Variants in FAM107A observed in about 807,000 individuals in gnomAD.
FAM107A encodes family with sequence similarity 107 member A, also known as actin-associated protein FAM107A.
FAM107A carries 19 observed loss-of-function variants against 13.7 expected under a neutral mutation model. That is an observed-to-expected ratio of 1.38 (90% confidence interval 0.97 to 2.03). The LOEUF is 2.03. Among genes scored for constraint, FAM107A ranks in the 30% most tolerant of loss-of-function variants. The pLI, the probability that FAM107A is intolerant of heterozygous loss-of-function variation, is 0.00. For synonymous variants in FAM107A, 82 were observed against 74.5 expected (o/e 1.10, Z -0.52); for missense variants, 203 against 184.4 (o/e 1.10, Z -0.58).
Position 58,577,191 on chromosome 3 carries a change from G to T in FAM107A, c.-6+118C>A. The T allele has an allele frequency of 3.2e-6, 1 of 310,886 alleles. No individual in the cohort carries two copies. Among genetic ancestry groups the T allele is most frequent in the Non-Finnish European group, 4.7e-6 (1 of 213,236 alleles). 19.3% of individuals were successfully genotyped at this position (310,886 alleles called of 1,614,324 possible). On this transcript the variant is annotated intron_variant, in intron 1 of 3. Coordinates refer to ENST00000360997, the MANE Select transcript of FAM107A (RefSeq NM_001076778.3). This position sits in a 1 kb window ranked among gnomAD's most constrained non-coding sequence, Gnocchi z 4.9. ...CATAGCCCGGGTACCTAAACTCAAA[G>T]CACTCAGGTCCACTGACAGCCCACT... is the stretch of plus-strand genomic sequence containing the variant.
intron 1 of FAM107A, among the ~76,000 whole-genome samples, chr3:58,611,236 A>G (rs2065851206): frequency 6.7e-6 from 1 of 150,224 alleles, no homozygotes; most frequent in African/African-American, 2.5e-5. Flanking sequence ...CAGCATGAGA[A>G]TGAACTAATA....
At chr3:58,593,801 C>T (rs2065675033) in intron 1 of FAM107A, among the ~76,000 whole-genome samples, 1 of 152,190 alleles carries the variant, frequency 6.6e-6, no homozygotes. Flanking sequence ...ACCTCTCCCT[C>T]TCCCTGCACC....
At chr3:58,622,670 A>G (rs902717877) in intron 1 of FAM107A, among the ~76,000 whole-genome samples, 25 of 152,214 alleles carry the variant, frequency 1.6e-4, no homozygotes, top group Admixed American at 4.6e-4. Context: ...GTGGATAGAA[A>G]TCAGGAGGGC....
Position 58,618,775 on chromosome 3 carries a change from G to A in FAM107A, c.-70+8641C>T, listed in dbSNP as rs544160358. ...TGGGAGTGAAGAAGGGCCCTGGTGGGCACCTGGAGGGTGGTGTTGGGGCAG... is the reference window on the plus strand; with the variant it reads ...TGGGAGTGAAGAAGGGCCCTGGTGGACACCTGGAGGGTGGTGTTGGGGCAG... On this transcript the variant is annotated intron_variant, in intron 1 of 3. Transcript: ENST00000465970. Among the ~76,000 whole-genome samples, 7 of 152,104 alleles carry A rather than the reference G, an allele frequency of 4.6e-5. No individual in the cohort carries two copies. The East Asian group carries it at 1.2e-3, about 25-fold the overall frequency.
At chr3:58,592,567 C>T (rs1559481945) in intron 1 of FAM107A, among the ~76,000 whole-genome samples, 1 of 152,194 alleles carries the variant, frequency 6.6e-6, no homozygotes, top group Non-Finnish European at 1.5e-5. Flanking sequence ...GCCTTCCCAC[C>T]TCTATACAGT....
At chr3:58,616,914 C>T (rs2065907314) in intron 1 of FAM107A, among the ~76,000 whole-genome samples, 1 of 152,162 alleles carries the variant, frequency 6.6e-6, no homozygotes, top group Non-Finnish European at 1.5e-5. Context: ...GCTGGGACTA[C>T]AGGCACACGC....
chr3:58,610,892 A>G (rs1899822), intron 1 of FAM107A, among the ~76,000 whole-genome samples: 134,615 of 152,216 alleles, frequency 0.88, 59,579 homozygotes, highest in Admixed American at 0.91. Context: ...TGATTTGGCT[A>G]TGTCCCCACC....
chr3:58,567,450 C>T, intron 2 of FAM107A, 86 bp from the exon 3 acceptor site: 3 of 1,399,644 alleles, frequency 2.1e-6, no homozygotes, highest in Non-Finnish European at 2.9e-6. Context: ...GTGACACCAA[C>T]CCCCATTATT....
intron 1 of FAM107A, among the ~76,000 whole-genome samples, chr3:58,614,655 C>A (rs2065885238): frequency 6.6e-6 from 1 of 152,024 alleles, no homozygotes; most frequent in Non-Finnish European, 1.5e-5. Context: ...CAGGTGCCTG[C>A]CACCATGCCT....
At chr3:58,620,268 G>A (rs1244642301) in intron 1 of FAM107A, among the ~76,000 whole-genome samples, 1 of 152,178 alleles carries the variant, frequency 6.6e-6, no homozygotes, top group African/African-American at 2.4e-5. Flanking sequence ...AGTGGGGAGA[G>A]TGATGGTGTC....
chr3:58,577,619 T>C, upstream of FAM107A: 3 of 985,262 alleles, frequency 3.0e-6, no homozygotes, highest in Non-Finnish European at 1.2e-6. The surrounding 1 kb of genome is among the most constrained non-coding windows in gnomAD (Gnocchi z 4.9). Flanking sequence ...TTTTGTCAGA[T>C]TGATGAGGAA....
rs377423896 is a variant in FAM107A, at chr3:58,625,210, G to A, written c.-70+2206C>T. On this transcript the variant is annotated intron_variant, in intron 1 of 3. Transcript: ENST00000465970. ...ACCCCAGAGAAATCTTGAAAACCGG[G>A]TTTCTGGCCATGACGGGATGGGAGG... Among the ~76,000 whole-genome samples, 8 of 152,230 alleles carry A rather than the reference G, an allele frequency of 5.3e-5. 1 individual carries two copies. The South Asian group carries it at 1.7e-3, about 32-fold the overall frequency.
At chr3:58,596,609 G>A (rs2065709832) in intron 1 of FAM107A, among the ~76,000 whole-genome samples, 1 of 151,702 alleles carries the variant, frequency 6.6e-6, no homozygotes, top group Admixed American at 6.6e-5. Flanking sequence ...AACCTGGGAG[G>A]TGGAGGTTGC....
At chr3:58,587,559 T>G (rs922619894), upstream of FAM107A, among the ~76,000 whole-genome samples, 26 of 151,546 alleles carry the variant, frequency 1.7e-4, no homozygotes, top group Non-Finnish European at 3.1e-4. Context: ...CACTATACAG[T>G]ATACACTGGT....
Position 58,613,158 on chromosome 3 carries a change from G to A in FAM107A, c.-70+14258C>T, listed in dbSNP as rs370106254. Among the ~76,000 whole-genome samples, 4 of 152,112 alleles carry A rather than the reference G, an allele frequency of 2.6e-5. No homozygotes were observed. Among genetic ancestry groups the A allele is most frequent in the South Asian group, 2.1e-4 (1 of 4,824 alleles). On this transcript the variant is annotated intron_variant, in intron 1 of 3. Coordinates refer to the FAM107A transcript ENST00000465970. This position sits in a 1 kb window ranked among gnomAD's most constrained non-coding sequence, Gnocchi z 4.6. ...ACTGCCTGTTTTGTCAGGTAACACC[G>A]ACAAAAATAGCAGCCATTTGTTGAG...
intron 1 of FAM107A, chr3:58,572,640 GT>G (rs776565564): frequency 2.6e-5 from 4 of 151,618 alleles, no homozygotes; most frequent in Non-Finnish European, 4.4e-5. Flanking sequence ...TTATAAAAAG[GT>G]TATTCTCGCT....
At position 58,624,148 on chromosome 3, in the gene FAM107A, G is replaced by A. The variant is rs568854006; in HGVS notation, c.-70+3268C>T. ...GTGTAATGCAAGGGCTTAAAACGTG[G>A]CTCCCATCCAGACATCTGGGTTGAA... On this transcript the variant is annotated intron_variant, in intron 1 of 3. Coordinates refer to the FAM107A transcript ENST00000465970. Among the ~76,000 whole-genome samples the A allele has an allele frequency of 1.1e-3, 162 of 152,328 alleles. 1 individual carries two copies. Among genetic ancestry groups the A allele is most frequent in the African/African-American group, 3.7e-3 (152 of 41,580 alleles).
chr3:58,586,197 CCT>C (rs1192431184), intron 1 of FAM107A, among the ~76,000 whole-genome samples: 2 of 123,862 alleles, frequency 1.6e-5, no homozygotes, highest in African/African-American at 6.4e-5. Flanking sequence ...TGCCCATTTT[CCT>C]CTCTCCTGGC....
At position 58,566,240 on chromosome 3, in the gene FAM107A, T is replaced by C. The variant is rs956812811; in HGVS notation, c.*348A>G. 1.5e-5 allele frequency: 3 copies of C among 204,612 alleles called. No homozygotes were observed. The highest frequency in any genetic ancestry group is 2.9e-5 in the Non-Finnish European group (3 of 103,346). The allele number at this position is 204,612 out of a possible 1,614,324, so 12.7% of individuals were successfully genotyped here. A position where few individuals can be genotyped will look rare whatever the true frequency, so the allele number is the denominator to read the frequency against. ...CCTGGGGAGCCTCGGAGATTCCTGG[T>C]GGGAAGGCCTGGGCAGAACAGAAGG... On this transcript the variant is annotated 3_prime_UTR_variant, in exon 4 of 4. Transcript: ENST00000360997.
Sources: allele counts gnomAD v4.1 joint callset (sites outside exome capture counted in the v4.1 genomes callset), GRCh38; gene constraint gnomAD v4.1.1; non-coding constraint Gnocchi (gnomAD v3.1); transcripts MANE v1.5; gene names NCBI Gene and HGNC (gene_info 2026-07-23, HGNC 2026-07-21).